Variants in SULT1A1 observed in about 807,000 individuals in gnomAD.
SULT1A1 encodes the protein sulfotransferase 1A1.
A neutral mutation model predicts 36.8 loss-of-function variants in SULT1A1; 35 were observed. The observed-to-expected ratio is 0.95, with a 90% CI of 0.73 to 1.26. The LOEUF (loss-of-function observed/expected upper bound fraction) is 1.26. SULT1A1 is among the 50% of genes most tolerant of loss of function. The pLI, the probability that SULT1A1 is intolerant of heterozygous loss-of-function variation, is 0.00. For synonymous variants in SULT1A1, 119 were observed against 146.0 expected, an observed-to-expected ratio of 0.82 and a Z score of 1.33; for missense variants, 309 against 383.0, an observed-to-expected ratio of 0.81 and a Z score of 1.61.
At chr16:28,606,294 A>T in intron 6 of SULT1A1, 58 bp from the exon 7 acceptor site, 1 of 1,610,694 alleles carries the variant, frequency 6.2e-7, no homozygotes, top group Non-Finnish European at 8.5e-7. Flanking sequence ...GAAAAGTAAA[A>T]GGGGTCCCCT....
At position 28,608,386 on chromosome 16, in the gene SULT1A1, T is replaced by C. The variant is rs1555482736; in HGVS notation, c.277A>G (p.Met93Val). 5.0e-6 allele frequency: 8 copies of C among 1,612,362 alleles called. No individual in the cohort carries two copies. Among genetic ancestry groups the C allele is most frequent in the Non-Finnish European group, 6.8e-6 (8 of 1,178,684 alleles). The change falls in exon 4 of 8, where the codon ATG becomes GTG. Residue 93 changes from methionine (M) to valine (V), a missense_variant and splice_region_variant. Met to Val is a conservative substitution (Grantham distance 21). This residue lies in a region of SULT1A1 where 219 missense variants were observed against 215.3 expected (regional missense o/e 1.02). Coordinates refer to ENST00000314752, the MANE Select transcript of SULT1A1 (RefSeq NM_001055.4). Reference protein sequence around the residue: ...EFKAPGIPSGMETLKDTPAPR... With the variant: ...EFKAPGIPSGVETLKDTPAPR... ...GCCGGTGTGTCTTTCAGAGTCTCCATCCCTGAGCAGTGGGTCAGGGAAGGT... is the reference window on the plus strand; with the variant it reads ...GCCGGTGTGTCTTTCAGAGTCTCCACCCCTGAGCAGTGGGTCAGGGAAGGT...
At chr16:28,608,251 T>C in intron 4 of SULT1A1, 40 bp downstream of exon 4, 1 of 1,608,418 alleles carries the variant, frequency 6.2e-7, no homozygotes. Context: ...CCTCCCAAAG[T>C]GCTGGGATTA....
At chr16:28,620,997 C>T (rs1280031741) in intron 1 of SULT1A1, among the ~76,000 whole-genome samples, 2 of 152,010 alleles carry the variant, frequency 1.3e-5, no homozygotes, top group Non-Finnish European at 2.9e-5. Context: ...GTAATCCCAG[C>T]TTCTCGAGAA....
rs750639721 is a variant in SULT1A1, at chr16:28,609,094, G to T, written c.-4-235C>A. On this transcript the variant is annotated intron_variant, in intron 1 of 7. Transcript: ENST00000314752. ...CCTGCGGAGCTGTTCAAAATCCCAG[G>T]GCCTGGGCCATGGTGCAGACCAGTG... 7.6e-6 allele frequency: 11 copies of T among 1,439,694 alleles called. No individual in the cohort carries two copies. The African/African-American group carries it at 1.4e-4, about 19-fold the overall frequency. 89.2% of individuals were successfully genotyped at this position (1,439,694 alleles called of 1,614,324 possible).
Position 28,608,688 on chromosome 16 carries a change from G to A in SULT1A1, c.148+20C>T, listed in dbSNP as rs1464800016. 1 of 1,612,068 alleles carries A rather than the reference G, an allele frequency of 6.2e-7. No homozygotes were observed. On this transcript the variant is annotated intron_variant, in intron 2 of 7. Coordinates refer to ENST00000314752, the MANE Select transcript of SULT1A1 (RefSeq NM_001055.4). ...TGGGGACTGCCACCTGGGAGAGGGT[G>A]GGTGGCCCTCCTCACTTACCGGACT...
chr16:28,610,309 C>G, upstream of SULT1A1: 1 of 932,936 alleles, frequency 1.1e-6, no homozygotes, highest in Non-Finnish European at 1.4e-6. Flanking sequence ...TCACTGGGCT[C>G]CTGACCTGCC....
At chr16:28,620,903 G>T (rs1350622673) in intron 1 of SULT1A1, among the ~76,000 whole-genome samples, 1 of 151,994 alleles carries the variant, frequency 6.6e-6, no homozygotes, top group Non-Finnish European at 1.5e-5. Flanking sequence ...CTGAGGTCAG[G>T]AGTTCGAGAC....
At chr16:28,616,362 C>T (rs1383948980) in intron 2 of SULT1A1, among the ~76,000 whole-genome samples, 2 of 152,088 alleles carry the variant, frequency 1.3e-5, no homozygotes, top group Non-Finnish European at 2.9e-5. Flanking sequence ...TGTCTCTTGC[C>T]TCGGTGCCTG....
In SULT1A1 at chr16:28,608,574, T is replaced by C. The variant is rs201317421; in HGVS notation, c.178A>G (p.Met60Val). ...GTTWVSQILD[M>V]IYQGGDLEKC... ...TCCAGGTCACCACCCTGGTAGATCATGTCCAGAATCTGGCTTACCCAGGTA... is the reference window on the plus strand; with the variant it reads ...TCCAGGTCACCACCCTGGTAGATCACGTCCAGAATCTGGCTTACCCAGGTA... Residue 60 changes from methionine to valine, a missense_variant, in exon 3 of 8, where the codon ATG (methionine) becomes GTG (valine). Coordinates refer to ENST00000314752, the MANE Select transcript of SULT1A1 (RefSeq NM_001055.4). The C allele has an allele frequency of 1.3e-4, 213 of 1,612,244 alleles. 2 individuals are homozygous for C. Among genetic ancestry groups the C allele is most frequent in the Non-Finnish European group, 1.7e-4 (198 of 1,178,594 alleles).
At chr16:28,610,517 T>A, upstream of SULT1A1, 1 of 306,888 alleles carries the variant, frequency 3.3e-6, no homozygotes, top group Admixed American at 4.9e-5. Context: ...GCCCATGCAC[T>A]CCAGGCTCTG....
Position 28,605,846 on chromosome 16 carries a change from C to T in SULT1A1, c.863G>A (p.Ser288Asn). ...ADYAEKMAGC[S>N]LSFRSEL ...TCACAGCTCAGAGCGGAAGCTGAGG[C>T]TGCAGCCTGCCATCTTCTCCGCATA... is the stretch of plus-strand genomic sequence containing the variant. Residue 288 changes from serine (S) to asparagine (N), a missense_variant, in exon 8 of 8, where the codon AGC (serine) becomes AAC (asparagine). Physicochemically the swap from Ser to Asn is conservative, Grantham distance 46. This residue lies in a region of SULT1A1 where 67 missense variants were observed against 122.0 expected (regional missense o/e 0.55). Transcript: ENST00000314752. 1 of 1,608,926 alleles carries T rather than the reference C, an allele frequency of 6.2e-7. No individual in the cohort carries two copies. Among genetic ancestry groups the T allele is most frequent in the East Asian group, 2.2e-5 (1 of 44,842 alleles).
rs1406223896 is a variant in SULT1A1, at chr16:28,609,459, C to G, written c.-5+472G>C. 4 of 1,223,270 alleles carry G rather than the reference C, an allele frequency of 3.3e-6. No individual in the cohort carries two copies. The African/African-American group carries it at 4.6e-5, about 14-fold the overall frequency. The allele number at this position is 1,223,270 out of a possible 1,614,324, so 75.8% of individuals were successfully genotyped here. On this transcript the variant is annotated intron_variant, in intron 1 of 7. Transcript: ENST00000314752. ...AGCTGCTGTGGGAATGAACAAAACT[C>G]TGATGACTCAGCAAAAGCACAGGCC... is the stretch of plus-strand genomic sequence containing the variant.
chr16:28,609,548 C>T, intron 1 of SULT1A1: 1 of 527,658 alleles, frequency 1.9e-6, no homozygotes, highest in Non-Finnish European at 3.1e-6. Context: ...GAGTTGGAGA[C>T]CAACCTGGTG....
At chr16:28,616,939 G>T (rs191860594) in intron 2 of SULT1A1, among the ~76,000 whole-genome samples, 48 of 152,230 alleles carry the variant, frequency 3.2e-4, no homozygotes, top group African/African-American at 1.1e-3. Flanking sequence ...TTTACACATT[G>T]TCAACTCTAC....
At chr16:28,606,621 C>G (rs1203766424) in intron 6 of SULT1A1, 140 bp downstream of exon 6, 3 of 1,373,860 alleles carry the variant, frequency 2.2e-6, no homozygotes, top group Non-Finnish European at 3.0e-6. Flanking sequence ...AGTGGGGAGG[C>G]CTGGGCCAAG....
rs1596654744 is a variant in SULT1A1, at chr16:28,619,983, G to A, written c.138+80C>T. ...TACTGATTGTATATGTATATATATTGTATTGTATATTGTGTGTGTGTGTGT... is the reference window on the plus strand; with the variant it reads ...TACTGATTGTATATGTATATATATTATATTGTATATTGTGTGTGTGTGTGT... On this transcript the variant is annotated intron_variant, in intron 2 of 5. Coordinates refer to the SULT1A1 transcript ENST00000350842. The A allele has an allele frequency of 5.4e-6, 5 of 927,948 alleles. No individual in the cohort carries two copies. The East Asian group carries it at 1.0e-4, about 19-fold the overall frequency. 57.5% of individuals were successfully genotyped at this position (927,948 alleles called of 1,614,324 possible).
intron 4 of SULT1A1, 114 bp from the exon 5 acceptor site, chr16:28,607,191 A>G: frequency 6.5e-7 from 1 of 1,543,948 alleles, no homozygotes; most frequent in Non-Finnish European, 8.8e-7. Context: ...GACTTGTTTG[A>G]GATCTCACGG....
At chr16:28,616,435 C>T (rs781713393) in intron 2 of SULT1A1, among the ~76,000 whole-genome samples, 5 of 151,974 alleles carry the variant, frequency 3.3e-5, no homozygotes, top group East Asian at 1.9e-4. Context: ...TACAGGCGTG[C>T]GCCACCATGC....
intron 2 of SULT1A1, among the ~76,000 whole-genome samples, chr16:28,616,020 G>C (rs2047538897): frequency 6.6e-6 from 1 of 152,148 alleles, no homozygotes; most frequent in African/African-American, 2.4e-5. Context: ...GGAGACGCTG[G>C]ACCACGATCC....
Sources: allele counts gnomAD v4.1 joint callset (sites outside exome capture counted in the v4.1 genomes callset), GRCh38; gene constraint gnomAD v4.1.1; regional missense constraint gnomAD v4.1.1; transcripts MANE v1.5; gene names NCBI Gene and HGNC (gene_info 2026-07-23, HGNC 2026-07-21).